Variants in AKAP13 observed in about 807,000 individuals in gnomAD.
The protein encoded by AKAP13 is A-kinase anchor protein 13.
AKAP13 carries 80 observed loss-of-function variants against 264.5 expected under a neutral mutation model. That is an observed-to-expected ratio of 0.30 (90% confidence interval 0.25 to 0.36). The LOEUF (loss-of-function observed/expected upper bound fraction) is 0.36, where lower values mean the gene tolerates loss of function less well. Among genes scored for constraint, AKAP13 ranks in the 10% least tolerant of loss-of-function variants. The pLI is 1.00. For missense variants in AKAP13, 3,712 were observed against 3,435.2 expected, an observed-to-expected ratio of 1.08 and a Z score of -2.01; for synonymous variants, 1,380 against 1,250.2, an observed-to-expected ratio of 1.10 and a Z score of -2.19.
chr15:85,687,210 GTCACACAACCTCACACAACC>G (rs5814213), intron 16 of AKAP13, among the ~76,000 whole-genome samples: 1 of 151,936 alleles, frequency 6.6e-6, no homozygotes, highest in Non-Finnish European at 1.5e-5. Flanking sequence ...TATGCTTCAT[GTCACACAACCTCACACAACC>G]TCACACAACC....
At chr15:85,562,691 C>CTTTTTTTTTTTTTTTTTTT (rs10598092) in intron 5 of AKAP13, among the ~76,000 whole-genome samples, 7 of 100,520 alleles carry the variant, frequency 7.0e-5, no homozygotes, top group Admixed American at 1.2e-4. Context: ...CTTTTCTTTT[C>CTTTTTTTTTTTTTTTTTTT]TTTTTTTTTT....
intron 8 of AKAP13, among the ~76,000 whole-genome samples, chr15:85,604,765 T>G (rs2080246491): frequency 7.8e-6 from 1 of 127,918 alleles, no homozygotes; most frequent in Non-Finnish European, 1.7e-5. Context: ...CACCCAGCCT[T>G]CAAAGCTTCT....
rs2088951213 is a variant in AKAP13 at position 85,741,333 on chromosome 15, C to T, written c.7896C>T (p.Asp2632=). 4 of 1,613,282 alleles carry T rather than the reference C, an allele frequency of 2.5e-6. No individual in the cohort carries two copies. Among genetic ancestry groups the T allele is most frequent in the South Asian group, 1.1e-5 (1 of 90,986 alleles). Residue 2632 remains aspartate (D), a synonymous_variant, in exon 35 of 37, where the codon GAC becomes GAT. Transcript: ENST00000394518. ...REEEVQQGQQ[D]LEKEREELQQ... is the part of the protein sequence containing the mutation. ...AGGAGGTGCAGCAGGGGCAGCAGGACCTGGAAAAGGAGCGGGAGGAGCTCC... is the reference window on the plus strand; with the variant it reads ...AGGAGGTGCAGCAGGGGCAGCAGGATCTGGAAAAGGAGCGGGAGGAGCTCC...
chr15:85,462,398 G>A (rs2074552052), intron 1 of AKAP13, among the ~76,000 whole-genome samples: 1 of 152,194 alleles, frequency 6.6e-6, no homozygotes, highest in Admixed American at 6.5e-5. Context: ...GCCATCAAGA[G>A]ACAGAAGTTT....
chr15:85,402,340 A>T (rs2071465017), intron 1 of AKAP13, among the ~76,000 whole-genome samples: 1 of 152,190 alleles, frequency 6.6e-6, no homozygotes, highest in African/African-American at 2.4e-5. Context: ...TCTGGACTGA[A>T]ATATGTTGAA....
intron 5 of AKAP13, among the ~76,000 whole-genome samples, chr15:85,574,462 T>C (rs906407958): frequency 1.4e-4 from 21 of 152,338 alleles, no homozygotes; most frequent in Middle Eastern, 3.4e-3. Flanking sequence ...GTTGTTATAT[T>C]TGTTTATAAT....
At chr15:85,493,652 C>A (rs908002395) in intron 2 of AKAP13, among the ~76,000 whole-genome samples, 1 of 152,124 alleles carries the variant, frequency 6.6e-6, no homozygotes, top group Non-Finnish European at 1.5e-5. Context: ...TATCTTAGTT[C>A]TTTTGGGAGT....
intron 1 of AKAP13, among the ~76,000 whole-genome samples, chr15:85,384,548 C>T (rs1017413219): frequency 6.6e-6 from 1 of 152,060 alleles, no homozygotes; most frequent in African/African-American, 2.4e-5. Context: ...GAAACCACAT[C>T]TCTACTAAAA....
At chr15:85,462,101 G>A (rs1057261508) in intron 1 of AKAP13, among the ~76,000 whole-genome samples, 2 of 152,120 alleles carry the variant, frequency 1.3e-5, no homozygotes, top group African/African-American at 4.8e-5. Flanking sequence ...GTTTCTGGAG[G>A]GCAGTTGGTA....
chr15:85,741,511 G>A lies in AKAP13; in HGVS notation c.8058+16G>A. Reference sequence around the variant, plus strand: ...CCTGTGTCAGGTAATGGGACTCCCTGCCGAGAGCAACCTAATGATGATATT... The same window carrying A: ...CCTGTGTCAGGTAATGGGACTCCCTACCGAGAGCAACCTAATGATGATATT... On this transcript the variant is annotated intron_variant, in intron 35 of 36. Transcript: ENST00000394518. 1.3e-6 allele frequency: 2 copies of A among 1,558,970 alleles called. No homozygotes were observed. Among genetic ancestry groups the A allele is most frequent in the Non-Finnish European group, 1.7e-6 (2 of 1,150,198 alleles).
intron 29 of AKAP13, among the ~76,000 whole-genome samples, chr15:85,729,974 AAG>A (rs1289826166): frequency 6.6e-6 from 1 of 152,140 alleles, no homozygotes. Context: ...ACAAAAAAAA[AAG>A]AAGACAGCTC....
intron 1 of AKAP13, among the ~76,000 whole-genome samples, chr15:85,434,186 T>G (rs1214221980): frequency 3.9e-5 from 6 of 152,034 alleles, no homozygotes; most frequent in Admixed American, 2.6e-4. Flanking sequence ...GGAGTTCCCT[T>G]TCCGAGTCAA....
intron 16 of AKAP13, chr15:85,693,004 G>T: frequency 2.8e-6 from 1 of 362,242 alleles, no homozygotes; most frequent in Non-Finnish European, 4.9e-6. Flanking sequence ...CTGGTCCTTG[G>T]GTATTGTGTC....
In AKAP13 at chr15:85,578,913, A is replaced by G. The variant is rs2079105390; in HGVS notation, c.862-17A>G. 1 of 1,599,272 alleles carries G rather than the reference A, an allele frequency of 6.3e-7. No individual in the cohort carries two copies. The highest frequency in any genetic ancestry group is 8.5e-7 in the Non-Finnish European group (1 of 1,170,128). On this transcript the variant is annotated splice_polypyrimidine_tract_variant and intron_variant, in intron 6 of 36. Coordinates refer to ENST00000394518, the MANE Select transcript of AKAP13 (RefSeq NM_007200.5). ...CCTACAGGCAGTTTTTTAAAAGTGT[A>G]TTTCATTTCCTCCTAGAAAACAAAC... is the stretch of plus-strand genomic sequence containing the variant.
intron 19 of AKAP13, among the ~76,000 whole-genome samples, chr15:85,711,254 T>C (rs2086622558): frequency 6.6e-6 from 1 of 152,184 alleles, no homozygotes; most frequent in Middle Eastern, 3.2e-3. Context: ...CCTCAAATGT[T>C]ATTCAGAATT....
At chr15:85,677,870 G>A (rs879904175) in intron 14 of AKAP13, among the ~76,000 whole-genome samples, 2 of 151,928 alleles carry the variant, frequency 1.3e-5, no homozygotes, top group African/African-American at 4.8e-5. Context: ...GCATGATCTC[G>A]ATCTCTTGAC....
chr15:85,638,915 A>T (rs1273223475), intron 8 of AKAP13, among the ~76,000 whole-genome samples: 1 of 151,946 alleles, frequency 6.6e-6, no homozygotes. Context: ...CACCACCACC[A>T]TGCCTGGGTA....
intron 17 of AKAP13, among the ~76,000 whole-genome samples, chr15:85,706,128 G>A (rs946691734): frequency 6.6e-6 from 1 of 152,122 alleles, no homozygotes; most frequent in African/African-American, 2.4e-5. Flanking sequence ...GGGGATTTGT[G>A]AAGAGAAAGG....
chr15:85,567,974 G>GTA (rs2078668771), intron 5 of AKAP13, among the ~76,000 whole-genome samples: 1 of 143,202 alleles, frequency 7.0e-6, no homozygotes, highest in African/African-American at 2.5e-5. Flanking sequence ...GTGTGTGTGT[G>GTA]TGTGTGTATT....
Sources: gnomAD v4.1 joint callset for allele counts (sites outside exome capture counted in the v4.1 genomes callset) on GRCh38, gnomAD v4.1.1 for gene constraint, MANE v1.5 for transcripts, NCBI Gene and HGNC (gene_info 2026-07-23, HGNC 2026-07-21) for gene names.